The following NT5C3A variants were observed in gnomAD, a reference collection of about 807,000 sequenced individuals.
The protein encoded by NT5C3A is cytosolic 5'-nucleotidase 3A.
In NT5C3A, 23 loss-of-function variants were observed where a neutral mutation model predicts 40.0. That is an observed-to-expected ratio of 0.58 (90% CI 0.41 to 0.81). The LOEUF is 0.81. Among genes scored for constraint, NT5C3A ranks in the 40% least tolerant of loss-of-function variants. The probability of loss-of-function intolerance (pLI) is 0.00; values close to 1 mark genes in which losing one functional copy is unlikely to be tolerated. For synonymous variants in NT5C3A, 130 were observed against 141.4 expected (o/e 0.92, Z 0.57); for missense variants, 328 against 403.0 (o/e 0.81, Z 1.59).
At chr7:33,055,241 C>G (rs997586712) in intron 1 of NT5C3A, among the ~76,000 whole-genome samples, 4 of 151,828 alleles carry the variant, frequency 2.6e-5, no homozygotes, top group African/African-American at 9.7e-5. Flanking sequence ...ATGAGAATTG[C>G]TTGAACCTGG....
chr7:33,043,409 G>C (rs1042380209), intron 1 of NT5C3A, among the ~76,000 whole-genome samples: 4 of 152,144 alleles, frequency 2.6e-5, no homozygotes, highest in African/African-American at 9.7e-5. Context: ...TTTAAATAGC[G>C]TGTTAAAAAC....
chr7:33,051,466 G>T (rs1002384146), intron 1 of NT5C3A, among the ~76,000 whole-genome samples: 1 of 152,038 alleles, frequency 6.6e-6, no homozygotes, highest in African/African-American at 2.4e-5. Flanking sequence ...CTGGCCAACT[G>T]AACTATTTTT....
chr7:33,044,745 A>C (rs946953822), intron 1 of NT5C3A, among the ~76,000 whole-genome samples: 2 of 152,214 alleles, frequency 1.3e-5, no homozygotes, highest in Non-Finnish European at 2.9e-5. Flanking sequence ...TCAATTATTC[A>C]ATCAACTTGA....
At chr7:33,062,482 C>T in intron 1 of NT5C3A, 86 bp downstream of exon 1, 1 of 1,273,266 alleles carries the variant, frequency 7.9e-7, no homozygotes, top group Non-Finnish European at 1.1e-6. Flanking sequence ...CGCGACCGAA[C>T]AGCGGCCCAG....
At chr7:33,058,333 T>C (rs548492199) in intron 1 of NT5C3A, among the ~76,000 whole-genome samples, 164 of 143,792 alleles carry the variant, frequency 1.1e-3, no homozygotes, top group African/African-American at 4.0e-3. Flanking sequence ...AGTACACTTT[T>C]ATTATTTTTT....
intron 6 of NT5C3A, among the ~76,000 whole-genome samples, chr7:33,019,330 A>G (rs1785504638): frequency 6.6e-6 from 1 of 151,958 alleles, no homozygotes; most frequent in Non-Finnish European, 1.5e-5. Flanking sequence ...TTTCCTAAGT[A>G]TTTTGCTAAA....
intron 1 of NT5C3A, among the ~76,000 whole-genome samples, chr7:33,027,887 T>C (rs1350177171): frequency 1.3e-5 from 2 of 152,180 alleles, no homozygotes; most frequent in Non-Finnish European, 2.9e-5. Flanking sequence ...TTATATACTT[T>C]TGCATCTGGC....
At chr7:33,036,037 A>ACG (rs1786582939) in intron 1 of NT5C3A, 1 of 1,408,346 alleles carries the variant, frequency 7.1e-7, no homozygotes, top group African/African-American at 1.4e-5. Flanking sequence ...AAAAAAGTAC[A>ACG]CGTGACATAC....
chr7:33,052,485 CAAAAAAAAA>C (rs60149792), intron 1 of NT5C3A, among the ~76,000 whole-genome samples: 1 of 74,238 alleles, frequency 1.3e-5, no homozygotes, highest in Non-Finnish European at 2.5e-5. Context: ...GACTCGGTCT[CAAAAAAAAA>C]AAAAAAAAAA....
At position 33,046,970 on chromosome 7, in the gene NT5C3A, C is replaced by CTT. The variant is rs35818020; in HGVS notation, c.138+15596_138+15597dup. On this transcript the variant is annotated intron_variant, in intron 1 of 8. Coordinates refer to ENST00000610140, the MANE Select transcript of NT5C3A (RefSeq NM_001002010.5). ...AGGTGCACCCTGCCACACCTGGCTTCTTTTTTTTTTTTTTTTAAGAGTCGG... is the reference window on the plus strand; with the variant it reads ...AGGTGCACCCTGCCACACCTGGCTTCTTTTTTTTTTTTTTTTTTAAGAGTCGG... Among the ~76,000 whole-genome samples, 136 of 136,990 alleles carry CTT rather than the reference C, an allele frequency of 9.9e-4. 1 individual carries two copies. Among genetic ancestry groups the CTT allele is most frequent in the Middle Eastern group, 3.7e-3 (1 of 270 alleles). The allele number at this position is 136,990 out of a possible 152,430, so 89.9% of individuals were successfully genotyped here.
intron 1 of NT5C3A, among the ~76,000 whole-genome samples, chr7:33,044,043 TG>T (rs1188779972): frequency 7.8e-4 from 118 of 152,070 alleles, no homozygotes; most frequent in African/African-American, 2.5e-3. Flanking sequence ...CTTTTTTTTT[TG>T]AGACAGAGGT....
chr7:33,060,508 T>C (rs1392160018), intron 1 of NT5C3A, among the ~76,000 whole-genome samples: 1 of 151,926 alleles, frequency 6.6e-6, no homozygotes, highest in African/African-American at 2.4e-5. Flanking sequence ...CCCTATGGGA[T>C]ATTTCAGCTG....
intron 4 of NT5C3A, chr7:33,021,800 T>A: frequency 2.0e-6 from 1 of 494,928 alleles, no homozygotes; most frequent in Non-Finnish European, 3.6e-6. Context: ...AACACCAGAA[T>A]ACTTTGGTAA....
At chr7:33,043,511 T>G (rs544280673) in intron 1 of NT5C3A, among the ~76,000 whole-genome samples, 1 of 152,314 alleles carries the variant, frequency 6.6e-6, no homozygotes, top group African/African-American at 2.4e-5. Context: ...GAAACAATGT[T>G]TCTAATGGAG....
chr7:33,014,505 T>A lies in NT5C3A; in HGVS notation c.*225A>T, dbSNP rs1562582592. ...GGAGTTATTTTTCTAATTTTAGCTT[T>A]TTTTTTTTTTTAAATGGGTTAAAAG... is the stretch of plus-strand genomic sequence containing the variant. On this transcript the variant is annotated 3_prime_UTR_variant, in exon 9 of 9. Coordinates refer to ENST00000610140, the MANE Select transcript of NT5C3A (RefSeq NM_001002010.5). 1 of 541,922 alleles carries A rather than the reference T, an allele frequency of 1.8e-6. No homozygotes were observed. Among genetic ancestry groups the A allele is most frequent in the Non-Finnish European group, 3.3e-6 (1 of 300,636 alleles). The allele number at this position is 541,922 out of a possible 1,614,324, so 33.6% of individuals were successfully genotyped here.
intron 1 of NT5C3A, among the ~76,000 whole-genome samples, chr7:33,052,456 A>T (rs1213459909): frequency 7.3e-6 from 1 of 137,022 alleles, no homozygotes; most frequent in Non-Finnish European, 1.5e-5. Flanking sequence ...ACTACACTCC[A>T]GCCTGGGCAA....
chr7:33,026,682 T>TG (rs1222270781), intron 2 of NT5C3A, 135 bp downstream of exon 2: 23 of 630,506 alleles, frequency 3.6e-5, no homozygotes, highest in Middle Eastern at 4.4e-4. Flanking sequence ...TAAATAGAGA[T>TG]GGGGTCTCAC....
intron 1 of NT5C3A, among the ~76,000 whole-genome samples, chr7:33,028,905 A>T (rs1786093726): frequency 6.6e-6 from 1 of 152,104 alleles, no homozygotes; most frequent in Non-Finnish European, 1.5e-5. Flanking sequence ...AACATAAAAA[A>T]TTAGCTGGGC....
At chr7:33,016,686 A>AAG (rs1220359886) in intron 7 of NT5C3A, among the ~76,000 whole-genome samples, 6 of 151,620 alleles carry the variant, frequency 4.0e-5, no homozygotes, top group African/African-American at 1.5e-4. Flanking sequence ...AAAAAAAAAA[A>AAG]AGGTAAAACA....
Sources: gnomAD v4.1 joint callset for allele counts (sites outside exome capture counted in the v4.1 genomes callset) on GRCh38, gnomAD v4.1.1 for gene constraint, MANE v1.5 for transcripts, NCBI Gene and HGNC (gene_info 2026-07-23, HGNC 2026-07-21) for gene names.